The following ZEB1 variants were observed in gnomAD, a reference collection of about 807,000 sequenced individuals.
ZEB1 encodes zinc finger E-box binding homeobox 1, also known as zinc finger E-box-binding homeobox 1.
A neutral mutation model predicts 84.9 loss-of-function variants in ZEB1; 21 were observed. The ratio of observed to expected loss-of-function variants is 0.25; its 90% CI spans 0.18 to 0.36. The LOEUF (loss-of-function observed/expected upper bound fraction) is 0.36. Among genes scored for constraint, ZEB1 ranks in the 10% least tolerant of loss-of-function variants. The pLI is 1.00. For missense variants in ZEB1, 1,104 were observed against 1,330.2 expected (o/e 0.83, Z 2.65); for synonymous variants, 420 against 471.1 (o/e 0.89, Z 1.41).
chr10:31,365,325 AT>A (rs1422356090), intron 1 of ZEB1, among the ~76,000 whole-genome samples: 2 of 152,200 alleles, frequency 1.3e-5, no homozygotes, highest in Non-Finnish European at 2.9e-5. Context: ...AGGTTTTCTT[AT>A]GCCCAAGAGA....
chr10:31,504,215 G>A (rs189590029), intron 4 of ZEB1, among the ~76,000 whole-genome samples: 1 of 152,060 alleles, frequency 6.6e-6, no homozygotes, highest in East Asian at 1.9e-4. Flanking sequence ...TGGAGAGTGT[G>A]TCCTTTTCCT....
chr10:31,455,460 T>G (rs2061095107), intron 1 of ZEB1, among the ~76,000 whole-genome samples: 1 of 152,138 alleles, frequency 6.6e-6, no homozygotes, highest in Non-Finnish European at 1.5e-5. Flanking sequence ...GAAACTATCA[T>G]CAGAGTGAAT....
At chr10:31,415,885 T>C (rs1477052602) in intron 1 of ZEB1, among the ~76,000 whole-genome samples, 2 of 152,086 alleles carry the variant, frequency 1.3e-5, no homozygotes, top group Non-Finnish European at 2.9e-5. Context: ...TCAGAATTTC[T>C]CCAGTGTTTT....
At chr10:31,505,416 C>A (rs575909223) in intron 4 of ZEB1, among the ~76,000 whole-genome samples, 1 of 151,976 alleles carries the variant, frequency 6.6e-6, no homozygotes, top group African/African-American at 2.4e-5. Context: ...CCCTTTCAGT[C>A]CCGGACTTGA....
intron 1 of ZEB1, among the ~76,000 whole-genome samples, chr10:31,390,454 A>G (rs1375195651): frequency 2.6e-5 from 4 of 152,238 alleles, no homozygotes; most frequent in Non-Finnish European, 5.9e-5. Flanking sequence ...ATACATATTT[A>G]AACATTTTAC....
intron 2 of ZEB1, among the ~76,000 whole-genome samples, chr10:31,481,424 C>T (rs1486132521): frequency 2.6e-5 from 4 of 151,870 alleles, no homozygotes; most frequent in Admixed American, 2.6e-4. Flanking sequence ...GGTACTATGC[C>T]GCCTTGGAGA....
chr10:31,507,024 T>G (rs1234912436), intron 4 of ZEB1, among the ~76,000 whole-genome samples: 1 of 152,186 alleles, frequency 6.6e-6, no homozygotes, highest in Non-Finnish European at 1.5e-5. Context: ...AGTCTAGTGG[T>G]CATGAATTCT....
chr10:31,408,880 C>A (rs919786897), intron 1 of ZEB1, among the ~76,000 whole-genome samples: 12 of 150,338 alleles, frequency 8.0e-5, no homozygotes, highest in African/African-American at 2.0e-4. Flanking sequence ...GCAACAAAAG[C>A]CAAAATTGAC....
chr10:31,410,941 C>A (rs2054123776), intron 1 of ZEB1, among the ~76,000 whole-genome samples: 1 of 152,154 alleles, frequency 6.6e-6, no homozygotes, highest in Admixed American at 6.5e-5. Context: ...TTTCAAAAAA[C>A]CAGCTTCTGG....
At chr10:31,438,652 A>T (rs1052434725) in intron 1 of ZEB1, among the ~76,000 whole-genome samples, 1 of 152,316 alleles carries the variant, frequency 6.6e-6, no homozygotes, top group Non-Finnish European at 1.5e-5. Context: ...CATAGGCAAC[A>T]TAGTGAGACC....
In ZEB1 at chr10:31,520,193, C is replaced by T. The variant is rs747745216; in HGVS notation, c.861C>T (p.His287=). Reference sequence around the variant, plus strand: ...CCCATTCTGGCTCCTATAGCTCACACATAAGCAGTAAGAAATGTATCAGCT... The same window carrying T: ...CCCATTCTGGCTCCTATAGCTCACATATAAGCAGTAAGAAATGTATCAGCT... ...RFSHSGSYSS[H]ISSKKCISLI... Residue 287 remains histidine, a synonymous_variant, in exon 7 of 9, where the codon CAC becomes CAT. Coordinates refer to ENST00000424869, the MANE Select transcript of ZEB1 (RefSeq NM_001174096.2). The surrounding 1 kb of genome is among the most constrained non-coding windows in gnomAD (Gnocchi z 5.1). The T allele has an allele frequency of 4.3e-6, 7 of 1,613,834 alleles. No homozygotes were observed. The highest frequency in any genetic ancestry group is 5.1e-6 in the Non-Finnish European group (6 of 1,179,912).
At chr10:31,331,744 A>C (rs1449460640) in intron 1 of ZEB1, among the ~76,000 whole-genome samples, 1 of 152,234 alleles carries the variant, frequency 6.6e-6, no homozygotes, top group Non-Finnish European at 1.5e-5. Flanking sequence ...GGGGAATATT[A>C]TGTGCAAAGG....
chr10:31,521,689 A>G lies in ZEB1; in HGVS notation c.2357A>G (p.Asp786Gly), dbSNP rs550539833. 66 of 1,614,132 alleles carry G rather than the reference A, an allele frequency of 4.1e-5. No individual in the cohort carries two copies. The East Asian group carries it at 1.5e-3, about 36-fold the overall frequency. ...CCACAAAAGGACAGTTGTGTTACAG[A>G]CTCAGAACCAGTTGTAAATGTAATC... ...KEPQKDSCVT[D>G]SEPVVNVIPP... Residue 786 changes from aspartate (D) to glycine (G), a missense_variant, in exon 7 of 9, where the codon GAC becomes GGC. Asp to Gly is a moderately conservative substitution (Grantham distance 94, BLOSUM62 -1). Coordinates refer to ENST00000424869, the MANE Select transcript of ZEB1 (RefSeq NM_001174096.2).
chr10:31,460,149 T>G (rs565023116), intron 1 of ZEB1, among the ~76,000 whole-genome samples: 164 of 152,144 alleles, frequency 1.1e-3, no homozygotes, highest in African/African-American at 3.9e-3. Flanking sequence ...TTGCAAGGAC[T>G]CTAAAGGAAA....
chr10:31,321,370 T>C, intron 1 of ZEB1: 1 of 1,542,530 alleles, frequency 6.5e-7, no homozygotes, highest in Non-Finnish European at 8.7e-7. Context: ...CGTCTGTTGA[T>C]TATAAACGAA....
intron 4 of ZEB1, among the ~76,000 whole-genome samples, chr10:31,503,747 A>G (rs1394260405): frequency 6.6e-6 from 1 of 151,630 alleles, no homozygotes; most frequent in African/African-American, 2.4e-5. Context: ...TTTTGTCTTT[A>G]ATAGCAATAC....
chr10:31,350,371 G>A (rs2041107444), intron 1 of ZEB1, among the ~76,000 whole-genome samples: 2 of 152,138 alleles, frequency 1.3e-5, no homozygotes, highest in Admixed American at 6.5e-5. Flanking sequence ...CTCTTTTCAA[G>A]AAGCAAGTAC....
In ZEB1 at chr10:31,521,356, C is replaced by G; in HGVS notation, c.2024C>G (p.Thr675Arg). The G allele has an allele frequency of 6.2e-7, 1 of 1,614,082 alleles. No individual in the cohort carries two copies. The highest frequency in any genetic ancestry group is 8.5e-7 in the Non-Finnish European group (1 of 1,180,000). Residue 675 changes from threonine to arginine, a missense_variant, in exon 7 of 9, where the codon ACA (threonine) becomes AGA (arginine). Coordinates refer to ENST00000424869, the MANE Select transcript of ZEB1 (RefSeq NM_001174096.2). Reference sequence around the variant, plus strand: ...AATGCAAATGAACCCCAGGACAGCACAGTAAATCTACAAAGTCCTTTGAAG... The same window carrying G: ...AATGCAAATGAACCCCAGGACAGCAGAGTAAATCTACAAAGTCCTTTGAAG... Reference protein sequence around the residue: ...SANANEPQDSTVNLQSPLKMT... With the variant: ...SANANEPQDSRVNLQSPLKMT...
intron 2 of ZEB1, among the ~76,000 whole-genome samples, chr10:31,488,442 C>CT (rs900466207): frequency 2.0e-5 from 3 of 150,178 alleles, no homozygotes; most frequent in African/African-American, 2.4e-5. Context: ...TTTGTGGCTT[C>CT]TTTTTTTGCT....
Sources: allele counts gnomAD v4.1 joint callset (sites outside exome capture counted in the v4.1 genomes callset), GRCh38; gene constraint gnomAD v4.1.1; non-coding constraint Gnocchi (gnomAD v3.1); transcripts MANE v1.5; gene names NCBI Gene and HGNC (gene_info 2026-07-23, HGNC 2026-07-21).